The following ZMYM6 variants were observed in gnomAD, a reference collection of about 807,000 sequenced individuals.
ZMYM6 encodes zinc finger MYM-type protein 6.
In ZMYM6, 90 loss-of-function variants were observed where a neutral mutation model predicts 134.0. The observed-to-expected ratio is 0.67, with a 90% CI of 0.57 to 0.80. The LOEUF is 0.80. Ranked by LOEUF, ZMYM6 falls within the 30% of genes least tolerant of loss-of-function variation. ZMYM6 has a pLI of 0.00. For synonymous variants in ZMYM6, 481 were observed against 524.1 expected, an observed-to-expected ratio of 0.92 and a Z score of 1.12; for missense variants, 1,362 against 1,533.9, an observed-to-expected ratio of 0.89 and a Z score of 1.87.
At chr1:34,989,609 A>G (rs1640633874) in intron 15 of ZMYM6, 1 of 151,946 alleles carries the variant, frequency 6.6e-6, no homozygotes, top group Non-Finnish European at 1.5e-5. Context: ...TTTAAAGAAA[A>G]AGAAAAAAAA....
chr1:35,012,718 T>C (rs1199419650), intron 6 of ZMYM6, 137 bp from the exon 7 acceptor site: 22 of 1,422,952 alleles, frequency 1.5e-5, no homozygotes, highest in East Asian at 2.7e-5. Flanking sequence ...AACCACACTA[T>C]TGGGAGGTGG....
Position 34,987,871 on chromosome 1 carries a change from G to T in ZMYM6, c.3211C>A (p.Arg1071Ser), listed in dbSNP as rs757391327. Residue 1071 changes from arginine to serine, a missense_variant, in exon 16 of 16, where the codon CGT (arginine) becomes AGT (serine). Physicochemically the swap from Arg to Ser is moderately radical, Grantham distance 110. This residue lies in a region of ZMYM6 where 824 missense variants were observed against 940.9 expected (regional missense o/e 0.88). Coordinates refer to ENST00000357182, the MANE Select transcript of ZMYM6 (RefSeq NM_007167.4). ...AACATTCTCCCTCTTGATATCCAACGTACTTCAGCATGAAGCGGTAAACTC... is the reference window on the plus strand; with the variant it reads ...AACATTCTCCCTCTTGATATCCAACTTACTTCAGCATGAAGCGGTAAACTC... ...HVSLPLHAEV[R>S]WISRGRMLKR... is the part of the protein sequence containing the mutation. 6.4e-7 allele frequency: 1 copy of T among 1,551,372 alleles called. No individual in the cohort carries two copies. The highest frequency in any genetic ancestry group is 1.2e-5 in the South Asian group (1 of 83,994).
chr1:35,019,447 T>C lies in ZMYM6; in HGVS notation c.334A>G (p.Thr112Ala), dbSNP rs144203270. 1.2e-5 allele frequency: 19 copies of C among 1,613,932 alleles called. No individual in the cohort carries two copies. Among genetic ancestry groups the C allele is most frequent in the East Asian group, 6.7e-5 (3 of 44,890 alleles). The change falls in exon 4 of 16, where the codon ACT becomes GCT. Residue 112 changes from threonine to alanine, a missense_variant. By Grantham distance (58) the Thr-to-Ala change is moderately conservative. Coordinates refer to ENST00000357182, the MANE Select transcript of ZMYM6 (RefSeq NM_007167.4). Reference sequence around the variant, plus strand: ...CATCGTGTGGAGCAGAAGAGCTGAGTAGATCCTGTCTTATGATATGCAGTT... The same window carrying C: ...CATCGTGTGGAGCAGAAGAGCTGAGCAGATCCTGTCTTATGATATGCAGTT... ...GQTAYHKTGS[T>A]QLFCSTRCIT...
At position 35,030,577 on chromosome 1, in the gene ZMYM6, G is replaced by C; in HGVS notation, c.63C>G (p.Asp21Glu). ...KAVVPQQELL[D>E]KIKEEPDNAQ... Reference sequence around the variant, plus strand: ...CATTGTCTGGTTCTTCTTTAATTTTGTCCAGAAGCTCCTGCTGTGGTACCA... The same window carrying C: ...CATTGTCTGGTTCTTCTTTAATTTTCTCCAGAAGCTCCTGCTGTGGTACCA... The change falls in exon 2 of 16, where the codon GAC (aspartate) becomes GAG (glutamate). Residue 21 changes from aspartate (D) to glutamate (E), a missense_variant. Transcript: ENST00000357182. 2 of 1,612,934 alleles carry C rather than the reference G, an allele frequency of 1.2e-6. No homozygotes were observed. The highest frequency in any genetic ancestry group is 1.7e-6 in the Non-Finnish European group (2 of 1,179,834).
intron 14 of ZMYM6, among the ~76,000 whole-genome samples, chr1:35,000,003 ACC>A (rs1640852461): frequency 6.6e-6 from 1 of 152,058 alleles, no homozygotes; most frequent in Non-Finnish European, 1.5e-5. Context: ...ATCTCAGCTC[ACC>A]GCGGCCTTGA....
rs1557583849 is a variant in ZMYM6, at chr1:35,019,333, G to C, written c.428+20C>G. The C allele has an allele frequency of 1.9e-6, 3 of 1,614,040 alleles. No homozygotes were observed. The highest frequency in any genetic ancestry group is 2.7e-5 in the African/African-American group (2 of 74,930). On this transcript the variant is annotated intron_variant, in intron 4 of 15. Transcript: ENST00000357182. ...ACTAAAAAAAAGGTAAAGTAAAAAG[G>C]GATGTTAAGAATTTTATACTTCGAG...
intron 7 of ZMYM6, 56 bp from the exon 8 acceptor site, chr1:35,012,061 C>A (rs1243952964): frequency 2.7e-6 from 3 of 1,100,534 alleles, no homozygotes; most frequent in Non-Finnish European, 3.9e-6. Flanking sequence ...ACAAACAATA[C>A]AAAAATGTAT....
chr1:34,990,963 C>T lies in ZMYM6; in HGVS notation c.2146+1271G>A, dbSNP rs1334179878. Reference sequence around the variant, plus strand: ...CACCGCAACCTCTACCTCCCAGGTTCAAGCGATTCTCCTTCCTCAGCCTCC... The same window carrying T: ...CACCGCAACCTCTACCTCCCAGGTTTAAGCGATTCTCCTTCCTCAGCCTCC... On this transcript the variant is annotated intron_variant, in intron 15 of 15. Transcript: ENST00000357182. Among the ~76,000 whole-genome samples the T allele has an allele frequency of 2.0e-5, 3 of 152,198 alleles. No homozygotes were observed. The East Asian group carries it at 5.8e-4, about 29-fold the overall frequency.
At chr1:35,014,522 A>T (rs1641147079) in intron 6 of ZMYM6, among the ~76,000 whole-genome samples, 175 bp downstream of exon 6, 1 of 152,178 alleles carries the variant, frequency 6.6e-6, no homozygotes, top group Non-Finnish European at 1.5e-5. Context: ...TACCTATATC[A>T]ACTTACCACC....
Position 34,987,407 on chromosome 1 carries a change from A to G in ZMYM6, c.3675T>C (p.Asn1225=). Residue 1225 remains asparagine, a synonymous_variant, in exon 16 of 16, where the codon AAT becomes AAC. Coordinates refer to ENST00000357182, the MANE Select transcript of ZMYM6 (RefSeq NM_007167.4). ...TTTCTTCTTCGAAGTCGGTGAGATT[A>G]TTATTTTGGTGATTCATAAAAGGGT... ...IIHPFMNHQN[N]NLTDFEEEKL... 6.2e-7 allele frequency: 1 copy of G among 1,614,058 alleles called. No individual in the cohort carries two copies.
At chr1:34,992,019 G>T in intron 15 of ZMYM6, 1 of 626,492 alleles carries the variant, frequency 1.6e-6, no homozygotes. Flanking sequence ...AACTAAAACT[G>T]TATGTTAGTA....
chr1:35,020,309 G>T, intron 3 of ZMYM6, 74 bp downstream of exon 3: 1 of 1,324,078 alleles, frequency 7.6e-7, no homozygotes. Flanking sequence ...TACATGAAAA[G>T]ATGCTTTCCC....
rs144450277 is a variant in ZMYM6 at position 35,011,001 on chromosome 1, C to T, written c.1098G>A (p.Ser366=). ...VFSKPKGTNS[S]AVPLSQGQVV... Reference sequence around the variant, plus strand: ...CTTGGCCCTGAGACAGGGGCACCGCCGAAGAGTTTGTTCCTTTTGGCTTGC... The same window carrying T: ...CTTGGCCCTGAGACAGGGGCACCGCTGAAGAGTTTGTTCCTTTTGGCTTGC... Residue 366 remains serine (S), a synonymous_variant, in exon 9 of 16, where the codon TCG becomes TCA. Coordinates refer to ENST00000357182, the MANE Select transcript of ZMYM6 (RefSeq NM_007167.4). 4.6e-4 allele frequency: 744 copies of T among 1,613,774 alleles called. 2 individuals are homozygous for T. The Middle Eastern group carries it at 4.8e-3, about 10-fold the overall frequency.
intron 2 of ZMYM6, chr1:35,030,262 T>A (rs1049210009): frequency 1.1e-5 from 3 of 262,804 alleles, no homozygotes; most frequent in Non-Finnish European, 2.1e-5. Context: ...AAACCCCGTC[T>A]CTACCAAAAA....
intron 14 of ZMYM6, among the ~76,000 whole-genome samples, chr1:34,998,037 T>C (rs1441682861): frequency 6.6e-6 from 1 of 152,186 alleles, no homozygotes; most frequent in Non-Finnish European, 1.5e-5. Flanking sequence ...TCCCAGCACT[T>C]TGGGACACCG....
rs186954032 is a variant in ZMYM6, at chr1:35,005,150, T to G, written c.1936A>C (p.Thr646Pro). The change falls in exon 13 of 16, where the codon ACT (threonine) becomes CCT (proline). Residue 646 changes from threonine to proline, a missense_variant. This residue lies in a region of ZMYM6 where 824 missense variants were observed against 940.9 expected (regional missense o/e 0.88). Coordinates refer to ENST00000357182, the MANE Select transcript of ZMYM6 (RefSeq NM_007167.4). The part of the protein sequence containing the change: ...KIPATLSTGN[T>P]NSVLKGAVTK... The stretch of plus-strand genomic sequence containing the variant: ...GTCATACCTTTTAAAACACTGTTAG[T>G]GTTCCCTGTAGATAAGGTAGCAGGT... 58 of 1,614,162 alleles carry G rather than the reference T, an allele frequency of 3.6e-5. No individual in the cohort carries two copies. Among genetic ancestry groups the G allele is most frequent in the Non-Finnish European group, 4.7e-5 (56 of 1,180,004 alleles).
chr1:35,015,743 A>AAAAATATATATATAT, intron 4 of ZMYM6, among the ~76,000 whole-genome samples: 1 of 106,476 alleles, frequency 9.4e-6, no homozygotes, highest in African/African-American at 6.6e-5. Flanking sequence ...AAAAAAAAAA[A>AAAAATATATATATAT]ATATATATAT....
chr1:35,030,440 G>T, intron 2 of ZMYM6, 107 bp downstream of exon 2: 1 of 1,052,754 alleles, frequency 9.5e-7, no homozygotes, highest in Non-Finnish European at 1.4e-6. Flanking sequence ...CTCAGTTTGG[G>T]TTATTTTAAA....
intron 13 of ZMYM6, among the ~76,000 whole-genome samples, chr1:35,004,813 T>C (rs539723355): frequency 1.6e-4 from 25 of 151,874 alleles, no homozygotes; most frequent in African/African-American, 5.6e-4. Flanking sequence ...ATCCCAGCTA[T>C]TTGGGAGGCC....
Sources: gnomAD v4.1 joint callset for allele counts (sites outside exome capture counted in the v4.1 genomes callset) on GRCh38, gnomAD v4.1.1 for gene constraint, gnomAD v4.1.1 regional missense constraint, MANE v1.5 for transcripts, NCBI Gene and HGNC (gene_info 2026-07-23, HGNC 2026-07-21) for gene names.